The following SEMA3C variants were observed in gnomAD, a reference collection of about 807,000 sequenced individuals.
The protein encoded by SEMA3C is semaphorin-3C.
A neutral mutation model predicts 89.4 loss-of-function variants in SEMA3C; 47 were observed. That is an observed-to-expected ratio of 0.53 (90% CI 0.42 to 0.67). The LOEUF is 0.67. Among genes scored for constraint, SEMA3C ranks in the 30% least tolerant of loss-of-function variants. The probability of loss-of-function intolerance (pLI) is 0.00; values close to 1 mark genes in which losing one functional copy is unlikely to be tolerated. For synonymous variants in SEMA3C, 310 were observed against 320.2 expected (o/e 0.97, Z 0.34); for missense variants, 839 against 929.1 (o/e 0.90, Z 1.26).
Position 80,836,024 on chromosome 7 carries a change from T to C in SEMA3C, c.104-7279A>G, listed in dbSNP as rs1265880034. ...TCGACAGTTACTAGTTGGGTTTCTT[T>C]CATGTTCTTGCTCTGGACATGGGTC... On this transcript the variant is annotated intron_variant, in intron 2 of 17. Coordinates refer to ENST00000265361, the MANE Select transcript of SEMA3C (RefSeq NM_006379.5). Among the ~76,000 whole-genome samples, 3 of 152,338 alleles carry C rather than the reference T, an allele frequency of 2.0e-5. No homozygotes were observed. In the East Asian group the frequency reaches 5.8e-4, roughly 29 times the overall value.
chr7:80,916,612 A>T, intron 2 of SEMA3C, 67 bp downstream of exon 2: 2 of 1,402,286 alleles, frequency 1.4e-6, no homozygotes, highest in South Asian at 1.4e-5. Flanking sequence ...TAATTTCTGA[A>T]TCTGGATAAG....
intron 2 of SEMA3C, among the ~76,000 whole-genome samples, chr7:80,881,841 A>C (rs964291063): frequency 6.6e-6 from 1 of 152,196 alleles, no homozygotes; most frequent in Non-Finnish European, 1.5e-5. Context: ...ATTTGTTGTG[A>C]TAGAGAAAGC....
rs147974326 is a variant in SEMA3C at position 80,915,211 on chromosome 7, G to A, written c.103+1468C>T. Among the ~76,000 whole-genome samples the A allele has an allele frequency of 5.9e-5, 9 of 152,264 alleles. No homozygotes were observed. The East Asian group carries it at 1.7e-3, about 29-fold the overall frequency. The stretch of plus-strand genomic sequence containing the variant: ...GAGGAAAAGTGTGGGTAGTCTGTAA[G>A]ATGCTTTAGTAATTAAGGGGCTAAA... On this transcript the variant is annotated intron_variant, in intron 2 of 17. Coordinates refer to ENST00000265361, the MANE Select transcript of SEMA3C (RefSeq NM_006379.5).
intron 2 of SEMA3C, among the ~76,000 whole-genome samples, chr7:80,879,591 T>G (rs1791285715): frequency 6.6e-6 from 1 of 152,202 alleles, no homozygotes; most frequent in African/African-American, 2.4e-5. Flanking sequence ...TAGCTACTCA[T>G]TTCCCTGAGT....
At chr7:80,814,288 C>T (rs1439860413) in intron 5 of SEMA3C, among the ~76,000 whole-genome samples, 2 of 151,936 alleles carry the variant, frequency 1.3e-5, no homozygotes, top group East Asian at 3.9e-4. Flanking sequence ...TGGGATTTCA[C>T]CATGTTAGCC....
chr7:80,863,723 A>ATG (rs1790835245), intron 2 of SEMA3C, among the ~76,000 whole-genome samples: 1 of 148,246 alleles, frequency 6.7e-6, no homozygotes, highest in Non-Finnish European at 1.5e-5. Flanking sequence ...TATCACAGAT[A>ATG]TATATATCAC....
chr7:80,808,685 T>C (rs1369292321), intron 6 of SEMA3C, among the ~76,000 whole-genome samples: 1 of 152,122 alleles, frequency 6.6e-6, no homozygotes, highest in Non-Finnish European at 1.5e-5. Flanking sequence ...AGATGAAATT[T>C]TAATGCTGGC....
intron 12 of SEMA3C, among the ~76,000 whole-genome samples, chr7:80,774,427 C>T (rs1357301249): frequency 6.6e-6 from 1 of 152,050 alleles, no homozygotes; most frequent in African/African-American, 2.4e-5. Context: ...AGTATAAAAA[C>T]ATTCAAATAA....
In SEMA3C at chr7:80,748,939, T is replaced by A. The variant is rs34020175; in HGVS notation, c.1801A>T (p.Ile601Phe). Residue 601 changes from isoleucine to phenylalanine, a missense_variant, in exon 17 of 18, where the codon ATC becomes TTC. Physicochemically the swap from Ile to Phe is conservative, Grantham distance 21. Coordinates refer to ENST00000265361, the MANE Select transcript of SEMA3C (RefSeq NM_006379.5). The stretch of plus-strand genomic sequence containing the variant: ...TTGTCTTTCTGTAACAGCCACTTGA[T>A]AGATGCCTGCGGAGACTTGGGGGCA... ...ECAPKSPQAS[I>F]KWLLQKDKDR... The A allele has an allele frequency of 1.9e-6, 3 of 1,613,332 alleles. No homozygotes were observed. The highest frequency in any genetic ancestry group is 2.5e-6 in the Non-Finnish European group (3 of 1,179,670).
chr7:80,838,410 G>T (rs552529409), intron 2 of SEMA3C, among the ~76,000 whole-genome samples: 1 of 152,208 alleles, frequency 6.6e-6, no homozygotes, highest in South Asian at 2.1e-4. Flanking sequence ...ATTGTTGTGG[G>T]ATATCTGTAA....
intron 2 of SEMA3C, among the ~76,000 whole-genome samples, chr7:80,903,922 T>C (rs530494722): frequency 6.6e-6 from 1 of 152,270 alleles, no homozygotes; most frequent in South Asian, 2.1e-4. Flanking sequence ...ACCACCACTA[T>C]AGCTTCTTCA....
Position 80,744,716 on chromosome 7 carries a change from G to A in SEMA3C, c.*178C>T. On this transcript the variant is annotated 3_prime_UTR_variant, in exon 18 of 18. Coordinates refer to ENST00000265361, the MANE Select transcript of SEMA3C (RefSeq NM_006379.5). ...CCATGAGGACCATGACATGTCTAGT[G>A]CTAGTCACTATCATACAAGAAAATG... 1 of 650,722 alleles carries A rather than the reference G, an allele frequency of 1.5e-6. No homozygotes were observed. Among genetic ancestry groups the A allele is most frequent in the East Asian group, 2.7e-5 (1 of 36,862 alleles). The allele number at this position is 650,722 out of a possible 1,614,324, so 40.3% of individuals were successfully genotyped here. A position where few individuals can be genotyped will look rare whatever the true frequency, so the allele number is the denominator to read the frequency against.
chr7:80,832,677 T>A (rs76535039), intron 2 of SEMA3C, among the ~76,000 whole-genome samples: 8 of 152,104 alleles, frequency 5.3e-5, no homozygotes, highest in Non-Finnish European at 8.8e-5. Context: ...CACATGATGA[T>A]TGCAGCAATT....
Position 80,894,813 on chromosome 7 carries a change from A to T in SEMA3C, c.103+21866T>A, listed in dbSNP as rs558720692. ...CTGCATTATCTCAATTCCTCCATTT[A>T]CTTCTTAAGTGGTTAGGTAGAGAAG... On this transcript the variant is annotated intron_variant, in intron 2 of 17. Transcript: ENST00000265361. 3.3e-5 allele frequency among the ~76,000 whole-genome samples: 5 copies of T among 152,032 alleles called. No individual in the cohort carries two copies. In the East Asian group the frequency reaches 9.7e-4, roughly 29 times the overall value.
chr7:80,863,432 TA>T (rs1391830624), intron 2 of SEMA3C, among the ~76,000 whole-genome samples: 1 of 151,324 alleles, frequency 6.6e-6, no homozygotes, highest in African/African-American at 2.4e-5. Flanking sequence ...GTACAGCCGC[TA>T]TGGAAAACAG....
intron 5 of SEMA3C, among the ~76,000 whole-genome samples, chr7:80,812,699 C>G (rs2115727003): frequency 6.6e-6 from 1 of 152,256 alleles, no homozygotes; most frequent in Non-Finnish European, 1.5e-5. Context: ...ATTCCTAAAA[C>G]TTGTCTCCTG....
chr7:80,858,280 G>A (rs556864336), intron 2 of SEMA3C, among the ~76,000 whole-genome samples: 45 of 152,086 alleles, frequency 3.0e-4, no homozygotes, highest in Non-Finnish European at 8.8e-5. Context: ...AAAATCTCCC[G>A]TATGATACTG....
chr7:80,825,949 T>A (rs890257295), intron 4 of SEMA3C, among the ~76,000 whole-genome samples: 1 of 152,052 alleles, frequency 6.6e-6, no homozygotes, highest in Admixed American at 6.6e-5. Flanking sequence ...TTTTTCTGGA[T>A]TTTTTCCCCC....
At position 80,828,663 on chromosome 7, in the gene SEMA3C, A is replaced by C; in HGVS notation, c.186T>G (p.Asp62Glu). ...LDYRILLMDE[D>E]QDRIYVGSKD... ...TGCTTCCCACATATATCCGGTCCTG[A>C]TCTTCATCCATTAATAAAATCCTGT... The change falls in exon 3 of 18, where the codon GAT becomes GAG. Residue 62 changes from aspartate (D) to glutamate (E), a missense_variant. By Grantham distance (45) the Asp-to-Glu change is conservative. Coordinates refer to ENST00000265361, the MANE Select transcript of SEMA3C (RefSeq NM_006379.5). The C allele has an allele frequency of 6.2e-7, 1 of 1,612,096 alleles. No homozygotes were observed. Among genetic ancestry groups the C allele is most frequent in the East Asian group, 2.2e-5 (1 of 44,820 alleles).
Sources: gnomAD v4.1 joint callset for allele counts (sites outside exome capture counted in the v4.1 genomes callset) on GRCh38, gnomAD v4.1.1 for gene constraint, MANE v1.5 for transcripts, NCBI Gene and HGNC (gene_info 2026-07-23, HGNC 2026-07-21) for gene names.